The following FRMD4A variants were observed in gnomAD, a reference collection of about 807,000 sequenced individuals.
The protein encoded by FRMD4A is FERM domain containing 4A, also known as FERM domain-containing protein 4A.
A neutral mutation model predicts 129.1 loss-of-function variants in FRMD4A; 29 were observed. The observed-to-expected ratio is 0.22, with a 90% confidence interval of 0.17 to 0.31. The LOEUF (loss-of-function observed/expected upper bound fraction) is 0.31, where lower values mean the gene tolerates loss of function less well. Ranked by LOEUF, FRMD4A falls within the 10% of genes least tolerant of loss-of-function variation. The probability of loss-of-function intolerance (pLI) is 1.00; values close to 1 mark genes in which losing one functional copy is unlikely to be tolerated. For missense variants in FRMD4A, 1,272 were observed against 1,375.8 expected, an observed-to-expected ratio of 0.92 and a Z score of 1.19; for synonymous variants, 634 against 571.6, an observed-to-expected ratio of 1.11 and a Z score of -1.56.
intron 2 of FRMD4A, among the ~76,000 whole-genome samples, chr10:14,147,637 G>A (rs1397105726): frequency 6.6e-6 from 1 of 152,050 alleles, no homozygotes; most frequent in African/African-American, 2.4e-5. Context: ...TAGATCCCTG[G>A]CATGTGCAGT....
At chr10:14,258,635 G>T (rs1322045410) in intron 2 of FRMD4A, among the ~76,000 whole-genome samples, 1 of 152,186 alleles carries the variant, frequency 6.6e-6, no homozygotes, top group East Asian at 1.9e-4. Context: ...TTGGAAAACA[G>T]TTGGGTAGAT....
chr10:14,264,867 C>T (rs1027740050), intron 2 of FRMD4A, among the ~76,000 whole-genome samples: 8 of 152,122 alleles, frequency 5.3e-5, no homozygotes, highest in African/African-American at 1.4e-4. Flanking sequence ...CTGCAATCTC[C>T]GCCTCCTGGG....
chr10:13,981,902 A>G (rs907814175), intron 2 of FRMD4A, among the ~76,000 whole-genome samples: 1 of 152,164 alleles, frequency 6.6e-6, no homozygotes, highest in South Asian at 2.1e-4. Context: ...TGTGCAGGTG[A>G]GGAGAAAGTG....
intron 2 of FRMD4A, among the ~76,000 whole-genome samples, chr10:14,157,200 G>T (rs1211562943): frequency 6.6e-6 from 1 of 152,192 alleles, no homozygotes; most frequent in East Asian, 1.9e-4. Context: ...TCACAGGCTG[G>T]TTGCCCTAAG....
intron 2 of FRMD4A, among the ~76,000 whole-genome samples, chr10:14,274,600 C>T (rs536432261): frequency 3.3e-5 from 5 of 152,174 alleles, no homozygotes; most frequent in Non-Finnish European, 7.3e-5. Flanking sequence ...TGAACCAGGG[C>T]TCTTGATATT....
chr10:13,809,753 C>T (rs1164866332), intron 4 of FRMD4A, among the ~76,000 whole-genome samples: 2 of 152,250 alleles, frequency 1.3e-5, no homozygotes, highest in African/African-American at 4.8e-5. Context: ...TGAAATGTCC[C>T]TGATTTACAG....
At position 14,045,635 on chromosome 10, in the gene FRMD4A, A is replaced by G. The variant is rs1400872588; in HGVS notation, c.46-186723T>C. ...ATTATGTATAAGATGATATACAATA[A>G]TTATAATCACATTCTTATGATATAA... On this transcript the variant is annotated intron_variant, in intron 2 of 24. Transcript: ENST00000357447. Among the ~76,000 whole-genome samples the G allele has an allele frequency of 2.7e-5, 4 of 147,668 alleles. No individual in the cohort carries two copies. The East Asian group carries it at 7.8e-4, about 29-fold the overall frequency.
intron 12 of FRMD4A, among the ~76,000 whole-genome samples, chr10:13,724,257 G>A (rs896201729): frequency 2.0e-5 from 3 of 152,082 alleles, no homozygotes; most frequent in African/African-American, 4.8e-5. Flanking sequence ...GCGTGGTGGC[G>A]GGCGCCTGTA....
intron 2 of FRMD4A, among the ~76,000 whole-genome samples, chr10:14,320,685 T>A (rs1002914114): frequency 6.6e-5 from 10 of 152,234 alleles, no homozygotes; most frequent in Admixed American, 3.3e-4. Context: ...ATTTCTCTAA[T>A]GAGATATAAG....
chr10:13,677,540 T>C (rs2084109823), intron 15 of FRMD4A, among the ~76,000 whole-genome samples: 1 of 152,252 alleles, frequency 6.6e-6, no homozygotes, highest in Admixed American at 6.5e-5. Flanking sequence ...CGTGACCTCA[T>C]GGTTCTCAGG....
intron 3 of FRMD4A, among the ~76,000 whole-genome samples, chr10:13,834,221 A>G (rs564479663): frequency 3.3e-4 from 50 of 151,998 alleles, no homozygotes; most frequent in Non-Finnish European, 6.3e-4. Flanking sequence ...CTGAGATTGT[A>G]CCCTTGCACT....
intron 2 of FRMD4A, among the ~76,000 whole-genome samples, chr10:14,128,084 CTTTCTTTCTTTCT>C (rs1839019977): frequency 1.0e-5 from 1 of 96,074 alleles, no homozygotes; most frequent in Non-Finnish European, 2.1e-5. Context: ...TTCTTTCTTT[CTTTCTTTCTTTCT>C]TTCTTTCTTT....
At chr10:14,227,209 C>G (rs891183797) in intron 2 of FRMD4A, among the ~76,000 whole-genome samples, 2 of 139,330 alleles carry the variant, frequency 1.4e-5, no homozygotes, top group Non-Finnish European at 3.1e-5. Context: ...CTTCTTTCTT[C>G]TTTCCCCTTC....
intron 2 of FRMD4A, among the ~76,000 whole-genome samples, chr10:14,115,110 A>G (rs1838131625): frequency 6.6e-6 from 1 of 152,220 alleles, no homozygotes; most frequent in South Asian, 2.1e-4. Context: ...TGTTCTAAGG[A>G]GACCAAATGA....
intron 2 of FRMD4A, among the ~76,000 whole-genome samples, chr10:13,907,417 T>C (rs2031021): frequency 0.14 from 21,174 of 152,168 alleles, 1,866 homozygotes; most frequent in Middle Eastern, 0.23. Flanking sequence ...TCAGGAACAT[T>C]AAGTAACTTG....
chr10:13,975,732 A>G (rs1375508515), intron 2 of FRMD4A, among the ~76,000 whole-genome samples: 2 of 150,352 alleles, frequency 1.3e-5, no homozygotes, highest in African/African-American at 5.0e-5. Context: ...CTGAATCTCT[A>G]TATATGTGTC....
At chr10:14,171,918 G>A (rs941762166) in intron 2 of FRMD4A, among the ~76,000 whole-genome samples, 5 of 152,208 alleles carry the variant, frequency 3.3e-5, no homozygotes, top group African/African-American at 1.2e-4. Context: ...TGTGATCAAA[G>A]TTTAAGTATG....
chr10:14,178,280 T>C (rs1208324015), intron 2 of FRMD4A, among the ~76,000 whole-genome samples: 2 of 152,184 alleles, frequency 1.3e-5, no homozygotes, highest in Non-Finnish European at 2.9e-5. Context: ...AAGTAAGCAT[T>C]TGAAAGTATT....
chr10:14,143,536 A>G (rs78429335), intron 2 of FRMD4A, among the ~76,000 whole-genome samples: 1 of 152,262 alleles, frequency 6.6e-6, no homozygotes, highest in East Asian at 1.9e-4. Flanking sequence ...GGATGGGGTG[A>G]TAGCAGCGCA....
Sources: allele counts gnomAD v4.1 joint callset (sites outside exome capture counted in the v4.1 genomes callset), GRCh38; gene constraint gnomAD v4.1.1; transcripts MANE v1.5; gene names NCBI Gene and HGNC (gene_info 2026-07-23, HGNC 2026-07-21).